The following ERC1 variants were observed in gnomAD, a reference collection of about 807,000 sequenced individuals.
ERC1 encodes ELKS/RAB6-interacting/CAST family member 1.
ERC1 carries 56 observed loss-of-function variants against 132.0 expected under a neutral mutation model. The ratio of observed to expected loss-of-function variants is 0.42; its 90% confidence interval spans 0.34 to 0.53. The LOEUF is 0.53. Ranked by LOEUF, ERC1 falls within the 20% of genes least tolerant of loss-of-function variation. ERC1 has a pLI of 0.03. For synonymous variants in ERC1, 478 were observed against 476.1 expected (o/e 1.00, Z -0.05); for missense variants, 1,202 against 1,349.9 (o/e 0.89, Z 1.72).
intron 2 of ERC1, among the ~76,000 whole-genome samples, chr12:1,031,583 TTCTC>T (rs1173529711): frequency 6.6e-6 from 1 of 152,224 alleles, no homozygotes; most frequent in Non-Finnish European, 1.5e-5. Context: ...ATTTTATTCT[TTCTC>T]AGATACATTA....
At chr12:1,355,269 A>G (rs547194431) in intron 15 of ERC1, among the ~76,000 whole-genome samples, 1 of 152,328 alleles carries the variant, frequency 6.6e-6, no homozygotes, top group South Asian at 2.1e-4. Flanking sequence ...CACAAAATGT[A>G]ATTATTATAT....
rs1380703207 is a variant in ERC1, at chr12:1,492,426, G to C, written c.*2196G>C. The C allele has an allele frequency of 4.3e-6, 1 of 233,278 alleles. No individual in the cohort carries two copies. Among genetic ancestry groups the C allele is most frequent in the Admixed American group, 5.6e-5 (1 of 17,790 alleles). The allele number at this position is 233,278 out of a possible 1,614,324, so 14.5% of individuals were successfully genotyped here. A position where few individuals can be genotyped will look rare whatever the true frequency, so the allele number is the denominator to read the frequency against. On this transcript the variant is annotated 3_prime_UTR_variant, in exon 19 of 19. Transcript: ENST00000360905. ...ACGGTGGAACCAAGACAGCAGGCGA[G>C]GCCATGCCTAAACAAGTGGTCTGGC...
intron 15 of ERC1, among the ~76,000 whole-genome samples, chr12:1,325,179 T>G (rs1455333046): frequency 6.6e-6 from 1 of 152,210 alleles, no homozygotes; most frequent in East Asian, 1.9e-4. Context: ...TTTGAGAAGT[T>G]TTAAAAATTC....
intron 2 of ERC1, among the ~76,000 whole-genome samples, chr12:1,034,421 T>TA (rs1466000129): frequency 6.6e-6 from 1 of 151,586 alleles, no homozygotes; most frequent in Non-Finnish European, 1.5e-5. Context: ...TAAAAATAAA[T>TA]AAAAAAATAA....
chr12:1,381,750 C>A (rs907295059), intron 16 of ERC1, among the ~76,000 whole-genome samples: 5 of 152,194 alleles, frequency 3.3e-5, no homozygotes, highest in African/African-American at 7.2e-5. Flanking sequence ...TTCCTCAGCT[C>A]AATCTCCACT....
At chr12:1,358,398 A>G (rs1332766633) in intron 15 of ERC1, among the ~76,000 whole-genome samples, 2 of 152,202 alleles carry the variant, frequency 1.3e-5, no homozygotes, top group Non-Finnish European at 2.9e-5. Context: ...TATGGAATTG[A>G]AAGATTCTTT....
chr12:1,121,136 ATTG>A (rs1461708193), intron 7 of ERC1, among the ~76,000 whole-genome samples: 20 of 152,332 alleles, frequency 1.3e-4, no homozygotes, highest in South Asian at 6.2e-4. Context: ...AGAAATAAGA[ATTG>A]TTGTAACATT....
chr12:1,007,938 T>C (rs550104467), intron 1 of ERC1, among the ~76,000 whole-genome samples: 1 of 152,298 alleles, frequency 6.6e-6, no homozygotes, highest in Non-Finnish European at 1.5e-5. Flanking sequence ...AGTGCAGATA[T>C]AGAACATTTC....
intron 2 of ERC1, among the ~76,000 whole-genome samples, chr12:1,045,324 A>T (rs1226750039): frequency 6.6e-6 from 1 of 152,046 alleles, no homozygotes; most frequent in Non-Finnish European, 1.5e-5. Flanking sequence ...TTGCTGTTGT[A>T]TCCTTTAAAA....
At chr12:1,467,070 G>C (rs1340246442) in intron 18 of ERC1, among the ~76,000 whole-genome samples, 2 of 152,192 alleles carry the variant, frequency 1.3e-5, no homozygotes, top group Non-Finnish European at 2.9e-5. Flanking sequence ...TGATTGATGG[G>C]ATTTCTCATG....
intron 16 of ERC1, among the ~76,000 whole-genome samples, chr12:1,389,254 C>T (rs934177508): frequency 6.6e-6 from 1 of 152,144 alleles, no homozygotes; most frequent in Non-Finnish European, 1.5e-5. Context: ...CAAATAGATA[C>T]ATCAAGAAAG....
intron 2 of ERC1, among the ~76,000 whole-genome samples, chr12:1,073,953 G>C (rs752236426): frequency 8.3e-6 from 1 of 121,010 alleles, no homozygotes; most frequent in East Asian, 2.9e-4. Flanking sequence ...TGCAACCTCC[G>C]CCTCCCGGAT....
intron 1 of ERC1, among the ~76,000 whole-genome samples, chr12:1,006,457 C>T (rs1404796131): frequency 6.6e-6 from 1 of 152,208 alleles, no homozygotes; most frequent in Middle Eastern, 3.4e-3. Flanking sequence ...AATTTCAGCT[C>T]ACTGTAGTCT....
chr12:1,376,942 C>G (rs1426759206), intron 16 of ERC1, among the ~76,000 whole-genome samples: 1 of 152,164 alleles, frequency 6.6e-6, no homozygotes, highest in African/African-American at 2.4e-5. Flanking sequence ...CCCGTCATCC[C>G]AGCACTACTT....
chr12:1,201,392 A>G (rs1380410970), intron 12 of ERC1, among the ~76,000 whole-genome samples: 1 of 152,222 alleles, frequency 6.6e-6, no homozygotes, highest in African/African-American at 2.4e-5. Flanking sequence ...ATGTGGGAGT[A>G]GGAGAAAGTA....
chr12:1,093,737 AT>A (rs1381300690), intron 3 of ERC1, among the ~76,000 whole-genome samples: 1 of 151,678 alleles, frequency 6.6e-6, no homozygotes, highest in Non-Finnish European at 1.5e-5. Context: ...AAAAGTGCTA[AT>A]ATTTGAATAT....
At chr12:1,345,999 TC>T (rs1256010470) in intron 15 of ERC1, among the ~76,000 whole-genome samples, 3 of 152,284 alleles carry the variant, frequency 2.0e-5, no homozygotes, top group East Asian at 1.9e-4. Flanking sequence ...GATGCTCTCT[TC>T]CTGCCATCAC....
rs58721816 is a variant in ERC1 at position 1,400,347 on chromosome 12, T to A, written c.2926-7802T>A. Among the ~76,000 whole-genome samples, 914 of 152,334 alleles carry A rather than the reference T, an allele frequency of 6.0e-3. 12 individuals are homozygous for A. The highest frequency in any genetic ancestry group is 0.021 in the African/African-American group (870 of 41,580). On this transcript the variant is annotated intron_variant, in intron 16 of 18. Coordinates refer to ENST00000360905, the MANE Select transcript of ERC1 (RefSeq NM_178040.4). ...CTTTATCATATATATGATTTATAAA[T>A]ATGTTCTCCCATCCTGTCGTTCTCT...
At chr12:1,367,141 TACTC>T (rs774139702) in intron 15 of ERC1, among the ~76,000 whole-genome samples, 2 of 152,230 alleles carry the variant, frequency 1.3e-5, no homozygotes, top group South Asian at 2.1e-4. Flanking sequence ...GGTAGTTTAC[TACTC>T]ACTCTGGATA....
Sources: gnomAD v4.1 joint callset for allele counts (sites outside exome capture counted in the v4.1 genomes callset) on GRCh38, gnomAD v4.1.1 for gene constraint, MANE v1.5 for transcripts, NCBI Gene and HGNC (gene_info 2026-07-23, HGNC 2026-07-21) for gene names.